VWA3B: variants seen among roughly 807,000 people sequenced by gnomAD.
VWA3B encodes the protein von Willebrand factor A domain-containing protein 3B.
A neutral mutation model predicts 158.3 loss-of-function variants in VWA3B; 138 were observed. That is an observed-to-expected ratio of 0.87 (90% CI 0.76 to 1.00). VWA3B has a LOEUF of 1.00. Among genes scored for constraint, VWA3B ranks in the 50% least tolerant of loss-of-function variants. VWA3B has a pLI of 0.00. For missense variants in VWA3B, 1,555 were observed against 1,565.1 expected, an observed-to-expected ratio of 0.99 and a Z score of 0.11; for synonymous variants, 596 against 587.3, an observed-to-expected ratio of 1.01 and a Z score of -0.21.
intron 13 of VWA3B, among the ~76,000 whole-genome samples, chr2:98,216,182 A>C (rs770731144): frequency 2.0e-5 from 3 of 152,260 alleles, no homozygotes; most frequent in Admixed American, 6.5e-5. Context: ...CACAGTCTTT[A>C]AAATTAAGCA....
At chr2:98,163,057 G>C (rs533248498) in intron 8 of VWA3B, 81 bp downstream of exon 8, 4 of 1,573,354 alleles carry the variant, frequency 2.5e-6, no homozygotes, top group Non-Finnish European at 3.4e-6. Flanking sequence ...CCATGTTCCT[G>C]ACCAGAGAAG....
intron 9 of VWA3B, among the ~76,000 whole-genome samples, chr2:98,185,080 C>T (rs1273643725): frequency 6.6e-6 from 1 of 152,184 alleles, no homozygotes; most frequent in Non-Finnish European, 1.5e-5. Flanking sequence ...CCATCTCTAC[C>T]ACTCCTGCCT....
At chr2:98,162,502 C>G (rs564547976) in intron 7 of VWA3B, among the ~76,000 whole-genome samples, 4 of 152,258 alleles carry the variant, frequency 2.6e-5, no homozygotes, top group African/African-American at 9.6e-5. Flanking sequence ...CATTGCATTT[C>G]CCCTCCTCGC....
At chr2:98,216,062 A>G (rs1683962285) in intron 13 of VWA3B, among the ~76,000 whole-genome samples, 1 of 152,204 alleles carries the variant, frequency 6.6e-6, no homozygotes, top group African/African-American at 2.4e-5. Flanking sequence ...CCAAATATTC[A>G]GCAGAATTTT....
intron 2 of VWA3B, among the ~76,000 whole-genome samples, chr2:98,104,492 C>T (rs377016669): frequency 2.2e-4 from 34 of 152,302 alleles, no homozygotes; most frequent in Admixed American, 3.9e-4. Context: ...CTCATTCCCA[C>T]GAGAATGTCA....
intron 24 of VWA3B, among the ~76,000 whole-genome samples, chr2:98,298,433 TATTC>T (rs1558773811): frequency 2.3e-5 from 3 of 130,568 alleles, no homozygotes; most frequent in Non-Finnish European, 3.6e-5. Flanking sequence ...TATTCTATTC[TATTC>T]TATTCTATGC....
At chr2:98,276,557 A>G (rs1438466296) in intron 22 of VWA3B, among the ~76,000 whole-genome samples, 3 of 152,220 alleles carry the variant, frequency 2.0e-5, no homozygotes, top group Non-Finnish European at 2.9e-5. Flanking sequence ...AATGGGGATG[A>G]GACCATTCAG....
At chr2:98,137,494 C>T (rs1411430661) in intron 7 of VWA3B, among the ~76,000 whole-genome samples, 1 of 152,140 alleles carries the variant, frequency 6.6e-6, no homozygotes, top group Non-Finnish European at 1.5e-5. Context: ...GAAAATATCA[C>T]AATTTCAAAT....
intron 4 of VWA3B, among the ~76,000 whole-genome samples, chr2:98,120,595 G>A (rs905143236): frequency 3.3e-5 from 5 of 152,212 alleles, no homozygotes; most frequent in African/African-American, 1.2e-4. Flanking sequence ...CAGCAGACAC[G>A]AGTGTGAGCC....
chr2:98,133,498 G>T (rs747585024), intron 6 of VWA3B, among the ~76,000 whole-genome samples: 27 of 152,100 alleles, frequency 1.8e-4, no homozygotes, highest in Non-Finnish European at 3.5e-4. Flanking sequence ...TTGACATGAC[G>T]GAACCCTGGG....
At chr2:98,193,937 G>A (rs903772136) in intron 11 of VWA3B, among the ~76,000 whole-genome samples, 6 of 152,158 alleles carry the variant, frequency 3.9e-5, no homozygotes, top group Non-Finnish European at 8.8e-5. Context: ...ATATGAACAA[G>A]TGTATAAAGT....
chr2:98,108,119 T>C (rs527716744), intron 2 of VWA3B, among the ~76,000 whole-genome samples: 1 of 152,244 alleles, frequency 6.6e-6, no homozygotes, highest in African/African-American at 2.4e-5. Flanking sequence ...CTTTGACTTA[T>C]GGACTTTTAG....
chr2:98,172,880 A>C (rs759467544), intron 8 of VWA3B, among the ~76,000 whole-genome samples: 3 of 152,198 alleles, frequency 2.0e-5, no homozygotes, highest in Non-Finnish European at 4.4e-5. Context: ...ATTCAGATAC[A>C]CTATTGGGGT....
intron 20 of VWA3B, among the ~76,000 whole-genome samples, chr2:98,254,711 C>G (rs1304892211): frequency 2.0e-5 from 3 of 152,226 alleles, no homozygotes; most frequent in Admixed American, 2.0e-4. Context: ...ACTATCCCCA[C>G]TTTACCGAAA....
chr2:98,266,714 T>C (rs1243537344), intron 21 of VWA3B, among the ~76,000 whole-genome samples: 1 of 96,066 alleles, frequency 1.0e-5, no homozygotes, highest in Admixed American at 1.1e-4. Context: ...TATCCTCTTT[T>C]ATTTCCTTGA....
intron 7 of VWA3B, among the ~76,000 whole-genome samples, chr2:98,160,008 A>T (rs1678437922): frequency 4.9e-5 from 3 of 61,186 alleles, no homozygotes; most frequent in East Asian, 1.7e-3. Context: ...AGAATCCATT[A>T]AAAAAAAAAA....
chr2:98,127,699 C>T (rs1388330697), intron 5 of VWA3B, among the ~76,000 whole-genome samples: 1 of 151,412 alleles, frequency 6.6e-6, no homozygotes, highest in Non-Finnish European at 1.5e-5. Flanking sequence ...GACCTGGCAT[C>T]TGACCAGCTG....
intron 19 of VWA3B, among the ~76,000 whole-genome samples, chr2:98,238,993 A>G (rs900467845): frequency 6.6e-6 from 1 of 152,240 alleles, no homozygotes; most frequent in African/African-American, 2.4e-5. Context: ...AATCAATTAG[A>G]CACCACCTCC....
chr2:98,105,068 A>G (rs902249739), intron 2 of VWA3B, among the ~76,000 whole-genome samples: 2 of 152,180 alleles, frequency 1.3e-5, no homozygotes, highest in South Asian at 4.1e-4. Flanking sequence ...TAAGATCCAC[A>G]TGTTTACCAC....
Sources: allele counts gnomAD v4.1 joint callset (sites outside exome capture counted in the v4.1 genomes callset), GRCh38; gene constraint gnomAD v4.1.1; transcripts MANE v1.5; gene names NCBI Gene and HGNC (gene_info 2026-07-23, HGNC 2026-07-21).